The following NFXL1 variants were observed in gnomAD, a reference collection of about 807,000 sequenced individuals.
NFXL1 encodes NF-X1-type zinc finger protein NFXL1.
Under a neutral mutation model 123.3 loss-of-function variants are expected in NFXL1, and 66 were observed. The ratio of observed to expected loss-of-function variants is 0.54; its 90% CI spans 0.44 to 0.66. The LOEUF is 0.66. Among genes scored for constraint, NFXL1 ranks in the 30% least tolerant of loss-of-function variants. The pLI is 0.00. For missense variants in NFXL1, 944 were observed against 1,125.6 expected (o/e 0.84, Z 2.31); for synonymous variants, 346 against 360.8 (o/e 0.96, Z 0.46).
intron 2 of NFXL1, 76 bp downstream of exon 2, chr4:47,913,893 G>A (rs770942404): frequency 1.8e-5 from 17 of 963,100 alleles, no homozygotes; most frequent in Non-Finnish European, 2.5e-5. Flanking sequence ...GAAAGAAGGC[G>A]AGGGCGGAGG....
chr4:47,897,854 G>C (rs1737175125), intron 9 of NFXL1, 113 bp downstream of exon 9: 1 of 608,428 alleles, frequency 1.6e-6, no homozygotes, highest in African/African-American at 1.9e-5. Context: ...TTTCAGACTG[G>C]CTTCTTTCAT....
intron 16 of NFXL1, 135 bp from the exon 17 acceptor site, chr4:47,878,800 T>C (rs1038609395): frequency 8.8e-5 from 53 of 602,996 alleles, no homozygotes; most frequent in Non-Finnish European, 1.3e-4. Context: ...ATAATAATAA[T>C]ATCAAAATCA....
chr4:47,894,419 T>C lies in NFXL1; in HGVS notation c.1330-117A>G, dbSNP rs1293544535. On this transcript the variant is annotated intron_variant, in intron 10 of 22. Transcript: ENST00000507489. The stretch of plus-strand genomic sequence containing the variant: ...CAAAAATTTTAACACTAAATTTGTA[T>C]AACAAACTTTACCAAAAACCAATTT... The C allele has an allele frequency of 1.5e-5, 9 of 605,186 alleles. No homozygotes were observed. In the South Asian group the frequency reaches 3.2e-4, roughly 22 times the overall value. 37.5% of individuals were successfully genotyped at this position (605,186 alleles called of 1,614,324 possible).
At chr4:47,853,636 A>T (rs1391303028) in intron 20 of NFXL1, among the ~76,000 whole-genome samples, 1 of 152,088 alleles carries the variant, frequency 6.6e-6, no homozygotes, top group East Asian at 1.9e-4. Context: ...AACATATTGT[A>T]TTTTACACAG....
chr4:47,880,426 C>CAAAAA (rs752132328), intron 15 of NFXL1, among the ~76,000 whole-genome samples: 1 of 36,630 alleles, frequency 2.7e-5, no homozygotes, highest in African/African-American at 8.6e-5. Flanking sequence ...GATCCAGTCT[C>CAAAAA]AAAAAAAAAA....
chr4:47,908,122 T>C (rs989683514), intron 3 of NFXL1, among the ~76,000 whole-genome samples: 1 of 152,244 alleles, frequency 6.6e-6, no homozygotes, highest in African/African-American at 2.4e-5. Flanking sequence ...TCGATCCTTC[T>C]GTCTGAAGAC....
intron 14 of NFXL1, 132 bp from the exon 15 acceptor site, chr4:47,884,569 G>A: frequency 1.8e-6 from 1 of 551,974 alleles, no homozygotes; most frequent in East Asian, 3.0e-5. Flanking sequence ...TCAATAAATT[G>A]TGCTTACTGA....
chr4:47,896,092 T>C (rs73244440), intron 10 of NFXL1, among the ~76,000 whole-genome samples: 22,371 of 152,160 alleles, frequency 0.15, 2,181 homozygotes, highest in East Asian at 0.28. Flanking sequence ...CACTGTCTAA[T>C]AGAGGCATGG....
At chr4:47,851,485 T>C (rs1338367051) in intron 21 of NFXL1, among the ~76,000 whole-genome samples, 1 of 152,112 alleles carries the variant, frequency 6.6e-6, no homozygotes, top group Non-Finnish European at 1.5e-5. Context: ...GAATCTAGAA[T>C]TAATTATTAA....
In NFXL1 at chr4:47,897,976, G is replaced by C. The variant is rs1173214839; in HGVS notation, c.1195C>G (p.Gln399Glu). Residue 399 changes from glutamine (Q) to glutamate (E), a missense_variant, in exon 9 of 23, where the codon CAG becomes GAG. Around this residue, in one of 4 missense-constraint regions of NFXL1, gnomAD observed 296 missense variants for 395.1 expected, o/e 0.75. Transcript: ENST00000507489. ...AAAAAACAAGTCTTACTTGATTTCT[G>C]ACATGGACAGAACCTTTTCCCAGAT... ...PRSGKRFCPC[Q>E]KSKFSLPCTE... 1.1e-5 allele frequency: 17 copies of C among 1,589,862 alleles called. No homozygotes were observed. Among genetic ancestry groups the C allele is most frequent in the Non-Finnish European group, 1.5e-5 (17 of 1,167,428 alleles).
chr4:47,874,063 C>A (rs1735595577), intron 18 of NFXL1, among the ~76,000 whole-genome samples: 1 of 152,186 alleles, frequency 6.6e-6, no homozygotes, highest in African/African-American at 2.4e-5. Context: ...TCAGTCTTCA[C>A]AGAATTGAAG....
chr4:47,894,526 G>T (rs780928754), intron 10 of NFXL1, among the ~76,000 whole-genome samples: 1 of 147,062 alleles, frequency 6.8e-6, no homozygotes, highest in Non-Finnish European at 1.5e-5. Flanking sequence ...TCAGAAAACT[G>T]ATATTGAATA....
At chr4:47,908,073 C>T (rs1449478478) in intron 3 of NFXL1, among the ~76,000 whole-genome samples, 1 of 152,202 alleles carries the variant, frequency 6.6e-6, no homozygotes, top group Non-Finnish European at 1.5e-5. Context: ...ACTATCTAAT[C>T]ACCAAGGTTA....
chr4:47,904,699 C>T (rs1260872978), intron 4 of NFXL1, among the ~76,000 whole-genome samples: 1 of 152,176 alleles, frequency 6.6e-6, no homozygotes, highest in Non-Finnish European at 1.5e-5. Context: ...TTCTTAATTG[C>T]TTCATTAATG....
chr4:47,890,853 A>G (rs892152739), intron 11 of NFXL1, 150 bp from the exon 12 acceptor site: 3 of 580,140 alleles, frequency 5.2e-6, no homozygotes, highest in Non-Finnish European at 9.2e-6. Flanking sequence ...TCTGGTAAGT[A>G]AACATACTTC....
chr4:47,894,365 A>G, intron 10 of NFXL1, 63 bp from the exon 11 acceptor site: 1 of 1,219,100 alleles, frequency 8.2e-7, no homozygotes, highest in Non-Finnish European at 1.1e-6. Flanking sequence ...CTCACATTGC[A>G]ACTTCTACAA....
At chr4:47,899,969 T>C (rs114365150) in intron 5 of NFXL1, among the ~76,000 whole-genome samples, 24 of 152,360 alleles carry the variant, frequency 1.6e-4, no homozygotes, top group Non-Finnish European at 2.8e-4. Context: ...AGTTTTCTAC[T>C]AACCACCTGA....
At position 47,872,839 on chromosome 4, in the gene NFXL1, TA is replaced by T. The variant is rs946315193; in HGVS notation, c.2246+2287del. Among the ~76,000 whole-genome samples the T allele has an allele frequency of 1.4e-3, 207 of 152,032 alleles. 1 individual carries two copies. The highest frequency in any genetic ancestry group is 4.6e-3 in the African/African-American group (190 of 41,486). ...TGAAGATTGAGGTGGCTATGGCAATTAAAAAAAATAAGACAATAGAGTTTGC... is the reference window on the plus strand; with the variant it reads ...TGAAGATTGAGGTGGCTATGGCAATTAAAAAAATAAGACAATAGAGTTTGC... On this transcript the variant is annotated intron_variant, in intron 18 of 22. Coordinates refer to ENST00000507489, the MANE Select transcript of NFXL1 (RefSeq NM_001278624.2).
chr4:47,853,810 T>C (rs1339937185), intron 20 of NFXL1, among the ~76,000 whole-genome samples: 1 of 151,938 alleles, frequency 6.6e-6, no homozygotes, highest in South Asian at 2.1e-4. Context: ...AGTCTGCATA[T>C]ACCTACACAT....
Sources: allele counts gnomAD v4.1 joint callset (sites outside exome capture counted in the v4.1 genomes callset), GRCh38; gene constraint gnomAD v4.1.1; regional missense constraint gnomAD v4.1.1; transcripts MANE v1.5; gene names NCBI Gene and HGNC (gene_info 2026-07-23, HGNC 2026-07-21).